Variants in TAFA4 observed in about 807,000 individuals in gnomAD.
TAFA4 encodes the protein TAFA chemokine like family member 4.
TAFA4 carries 20 observed loss-of-function variants against 21.1 expected under a neutral mutation model. The ratio of observed to expected loss-of-function variants is 0.95; its 90% confidence interval spans 0.67 to 1.38. The LOEUF (loss-of-function observed/expected upper bound fraction) is 1.38, where lower values mean the gene tolerates loss of function less well. Ranked by LOEUF, TAFA4 falls within the 40% of genes most tolerant of loss-of-function variation. The pLI is 0.00. For missense variants in TAFA4, 211 were observed against 180.9 expected (o/e 1.17, Z -0.95); for synonymous variants, 71 against 67.4 (o/e 1.05, Z -0.26).
rs369054748 is a variant in TAFA4, at chr3:68,834,710, G to A, written c.130+46020C>T. 2.7e-4 allele frequency among the ~76,000 whole-genome samples: 41 copies of A among 152,076 alleles called. 1 individual carries two copies. The highest frequency in any genetic ancestry group is 8.7e-4 in the African/African-American group (36 of 41,444). On this transcript the variant is annotated intron_variant, in intron 3 of 5. Coordinates refer to ENST00000295569, the MANE Select transcript of TAFA4 (RefSeq NM_182522.5). ...TTCTGGTTGCTCAAGCCAAAAAGACGGGCATCCTCCTTGATTCCCCTCTTT... is the reference window on the plus strand; with the variant it reads ...TTCTGGTTGCTCAAGCCAAAAAGACAGGCATCCTCCTTGATTCCCCTCTTT...
At chr3:68,847,792 T>TA (rs1397579665) in intron 3 of TAFA4, among the ~76,000 whole-genome samples, 3 of 152,222 alleles carry the variant, frequency 2.0e-5, no homozygotes. Flanking sequence ...CACTTGGTCA[T>TA]AAAATCCATG....
At chr3:68,876,593 T>G (rs2089552160) in intron 3 of TAFA4, among the ~76,000 whole-genome samples, 1 of 152,146 alleles carries the variant, frequency 6.6e-6, no homozygotes, top group Admixed American at 6.5e-5. Flanking sequence ...TCCTATAAAT[T>G]TCAGCCATCA....
chr3:68,841,725 T>G (rs543999263), intron 3 of TAFA4, among the ~76,000 whole-genome samples: 4 of 151,622 alleles, frequency 2.6e-5, no homozygotes, highest in African/African-American at 7.3e-5. Flanking sequence ...GGCCCTTGTG[T>G]GTGATGTTCC....
chr3:68,877,666 A>G (rs1333273134), intron 3 of TAFA4, among the ~76,000 whole-genome samples: 7 of 152,202 alleles, frequency 4.6e-5, no homozygotes, highest in Non-Finnish European at 1.0e-4. Context: ...CTCAGTCTTC[A>G]TAGAGCAACT....
At chr3:68,734,863 C>T (rs868861130) in intron 5 of TAFA4, among the ~76,000 whole-genome samples, 3 of 152,080 alleles carry the variant, frequency 2.0e-5, no homozygotes, top group Admixed American at 6.6e-5. Context: ...AGTCTACATC[C>T]GGGATGTAAT....
intron 3 of TAFA4, among the ~76,000 whole-genome samples, chr3:68,773,072 G>A (rs1470811525): frequency 6.6e-6 from 1 of 152,060 alleles, no homozygotes; most frequent in Non-Finnish European, 1.5e-5. Context: ...TCTCAAAAAG[G>A]TCCCCTATAA....
intron 3 of TAFA4, among the ~76,000 whole-genome samples, chr3:68,821,269 A>C (rs1009550130): frequency 1.3e-5 from 2 of 152,130 alleles, no homozygotes; most frequent in African/African-American, 4.8e-5. Context: ...CACAGCATCA[A>C]AACAACAATA....
At chr3:68,787,948 T>C (rs1188747296) in intron 3 of TAFA4, among the ~76,000 whole-genome samples, 1 of 152,164 alleles carries the variant, frequency 6.6e-6, no homozygotes, top group Non-Finnish European at 1.5e-5. Context: ...AATCAAGAGA[T>C]GTAACTCAAT....
intron 1 of TAFA4, among the ~76,000 whole-genome samples, chr3:68,918,132 T>C (rs76426847): frequency 5.4e-5 from 8 of 148,928 alleles, no homozygotes; most frequent in South Asian, 2.1e-4. Context: ...CAGACACACA[T>C]ACACACACAC....
Position 68,924,734 on chromosome 3 carries a change from G to C in TAFA4, c.-123+7506C>G, listed in dbSNP as rs1452228508. On this transcript the variant is annotated intron_variant, in intron 1 of 5. Transcript: ENST00000295569. ...TTGTTACTATTATAATTTTTTTAAA[G>C]CTCAACAAGGCAAATATTAACAAAC... Among the ~76,000 whole-genome samples, 2 of 151,784 alleles carry C rather than the reference G, an allele frequency of 1.3e-5. 1 individual carries two copies. The highest frequency in any genetic ancestry group is 6.4e-3 in the Middle Eastern group (2 of 314).
chr3:68,895,400 G>C (rs921735308), intron 1 of TAFA4, among the ~76,000 whole-genome samples: 21 of 152,262 alleles, frequency 1.4e-4, no homozygotes, highest in East Asian at 7.7e-4. Flanking sequence ...CTCCCAAAGT[G>C]CTGGGATTAC....
At chr3:68,759,268 G>A (rs946592158) in intron 3 of TAFA4, among the ~76,000 whole-genome samples, 1 of 152,158 alleles carries the variant, frequency 6.6e-6, no homozygotes, top group Non-Finnish European at 1.5e-5. Context: ...TCAATCCATT[G>A]ATTCAAATGT....
intron 3 of TAFA4, among the ~76,000 whole-genome samples, chr3:68,783,673 C>CAGAGAGAGAGAG (rs1163439201): frequency 2.9e-4 from 25 of 86,176 alleles, no homozygotes; most frequent in Admixed American, 8.1e-4. Context: ...CACACACACA[C>CAGAGAGAGAGAG]AGAGAGAGAG....
chr3:68,735,194 G>C (rs960422983), intron 5 of TAFA4, among the ~76,000 whole-genome samples: 2 of 151,952 alleles, frequency 1.3e-5, no homozygotes, highest in African/African-American at 4.8e-5. Flanking sequence ...ATTTTAGAAG[G>C]GCAAGTGGAA....
At chr3:68,903,632 T>C (rs1049759548) in intron 1 of TAFA4, among the ~76,000 whole-genome samples, 33 of 152,258 alleles carry the variant, frequency 2.2e-4, no homozygotes, top group African/African-American at 7.0e-4. Flanking sequence ...AGCCAGTGAA[T>C]TTTGTTTAAT....
intron 3 of TAFA4, among the ~76,000 whole-genome samples, chr3:68,788,922 C>T (rs1703312104): frequency 6.6e-6 from 1 of 152,154 alleles, no homozygotes; most frequent in Admixed American, 6.5e-5. Flanking sequence ...GCCATCACAC[C>T]CAGCCATGTT....
At chr3:68,768,859 T>C (rs1426384865) in intron 3 of TAFA4, among the ~76,000 whole-genome samples, 2 of 152,174 alleles carry the variant, frequency 1.3e-5, no homozygotes, top group African/African-American at 4.8e-5. Context: ...AAACCTTGCA[T>C]GATCTGACTC....
At chr3:68,812,560 A>C (rs1193439049) in intron 3 of TAFA4, among the ~76,000 whole-genome samples, 1 of 152,100 alleles carries the variant, frequency 6.6e-6, no homozygotes, top group African/African-American at 2.4e-5. Flanking sequence ...AACCAACAAA[A>C]ATAAGAAGAG....
At chr3:68,866,803 T>G (rs918219752) in intron 3 of TAFA4, among the ~76,000 whole-genome samples, 5 of 150,034 alleles carry the variant, frequency 3.3e-5, no homozygotes, top group African/African-American at 9.8e-5. Context: ...AAGTTCTCAA[T>G]AGCAGAATGA....
Sources: gnomAD v4.1 joint callset for allele counts (sites outside exome capture counted in the v4.1 genomes callset) on GRCh38, gnomAD v4.1.1 for gene constraint, MANE v1.5 for transcripts, NCBI Gene and HGNC (gene_info 2026-07-23, HGNC 2026-07-21) for gene names.